MORC3: variants seen among roughly 807,000 people sequenced by gnomAD.
MORC3 encodes the protein MORC family CW-type zinc finger protein 3.
MORC3 carries 31 observed loss-of-function variants against 109.1 expected under a neutral mutation model. The observed-to-expected ratio is 0.28, with a 90% CI of 0.21 to 0.38. The LOEUF (loss-of-function observed/expected upper bound fraction) is 0.38, where lower values mean the gene tolerates loss of function less well. Ranked by LOEUF, MORC3 falls within the 10% of genes least tolerant of loss-of-function variation. The pLI, the probability that MORC3 is intolerant of heterozygous loss-of-function variation, is 1.00. For synonymous variants in MORC3, 395 were observed against 380.7 expected (o/e 1.04, Z -0.44); for missense variants, 867 against 1,135.8 (o/e 0.76, Z 3.40).
intron 10 of MORC3, among the ~76,000 whole-genome samples, chr21:36,358,002 A>G (rs1441334681): frequency 1.3e-5 from 2 of 151,586 alleles, no homozygotes; most frequent in African/African-American, 2.4e-5. Flanking sequence ...TGGCCTCCCA[A>G]AGTGCTGGGA....
chr21:36,361,604 A>G (rs2146330481), intron 12 of MORC3: 1 of 145,196 alleles, frequency 6.9e-6, no homozygotes, highest in South Asian at 2.2e-4. Flanking sequence ...AATCCCAGAC[A>G]GGCCAGGAGT....
intron 9 of MORC3, among the ~76,000 whole-genome samples, chr21:36,355,777 G>A (rs570228724): frequency 8.0e-5 from 12 of 150,120 alleles, no homozygotes; most frequent in South Asian, 2.1e-4. Flanking sequence ...GCAATACCCT[G>A]TCTCTACAAA....
At chr21:36,320,441 G>A in intron 1 of MORC3, 138 bp downstream of exon 1, 2 of 817,470 alleles carry the variant, frequency 2.4e-6, no homozygotes, top group East Asian at 3.8e-5. Flanking sequence ...GGGAGGGGGC[G>A]GCCATCTCGC....
At chr21:36,326,625 G>A (rs180725478) in intron 1 of MORC3, among the ~76,000 whole-genome samples, 10 of 152,244 alleles carry the variant, frequency 6.6e-5, no homozygotes, top group Admixed American at 1.3e-4. Flanking sequence ...TGAGGGTCTT[G>A]AGATGCATTC....
chr21:36,350,109 C>T (rs530614355), intron 9 of MORC3, among the ~76,000 whole-genome samples: 1 of 152,094 alleles, frequency 6.6e-6, no homozygotes, highest in South Asian at 2.1e-4. Flanking sequence ...AGGTTGAGAC[C>T]AGCGTGGGCA....
chr21:36,356,219 G>T (rs2085643710), intron 9 of MORC3, among the ~76,000 whole-genome samples: 3 of 152,226 alleles, frequency 2.0e-5, no homozygotes, highest in Admixed American at 2.0e-4. Context: ...CCTACAGTCT[G>T]TATATGCTTC....
intron 5 of MORC3, among the ~76,000 whole-genome samples, chr21:36,340,673 C>T (rs762859596): frequency 3.9e-5 from 4 of 102,130 alleles, no homozygotes; most frequent in Non-Finnish European, 7.6e-5. Flanking sequence ...TTTGCTCTTT[C>T]CCCCAGGGTG....
chr21:36,332,875 TCTC>T (rs1412409997), intron 1 of MORC3, among the ~76,000 whole-genome samples: 1 of 146,080 alleles, frequency 6.8e-6, no homozygotes, highest in East Asian at 2.0e-4. Flanking sequence ...GCAAGCTCCA[TCTC>T]CTAGGTTCAT....
intron 14 of MORC3, among the ~76,000 whole-genome samples, chr21:36,365,692 C>G (rs1376777318): frequency 1.3e-5 from 2 of 152,140 alleles, no homozygotes; most frequent in East Asian, 3.9e-4. Context: ...GCGATTCCCC[C>G]ACCTCAGCGT....
chr21:36,373,638 C>G (rs2085896688), intron 16 of MORC3, among the ~76,000 whole-genome samples: 2 of 151,174 alleles, frequency 1.3e-5, no homozygotes, highest in African/African-American at 4.9e-5. Context: ...AAAAAAAAAG[C>G]TGGTATGGGA....
At position 36,369,563 on chromosome 21, in the gene MORC3, T is replaced by G; in HGVS notation, c.2195T>G (p.Leu732Arg). The change falls in exon 15 of 17, where the codon CTA (leucine) becomes CGA (arginine). Residue 732 changes from leucine (L) to arginine (R), a missense_variant. Leu to Arg is a moderately radical substitution (Grantham distance 102). Around this residue, in one of 7 missense-constraint regions of MORC3, gnomAD observed 486 missense variants for 502.1 expected, o/e 0.97. Coordinates refer to ENST00000400485, the MANE Select transcript of MORC3 (RefSeq NM_015358.3). The part of the protein sequence containing the change: ...DQIKVLQQRI[L>R]EMNDKYVKKE... ...ATCAAAGTGTTACAACAGAGGATACTAGAAATGAATGACAAGTATGTTAAG... is the reference window on the plus strand; with the variant it reads ...ATCAAAGTGTTACAACAGAGGATACGAGAAATGAATGACAAGTATGTTAAG... 1 of 1,614,174 alleles carries G rather than the reference T, an allele frequency of 6.2e-7. No homozygotes were observed. Among genetic ancestry groups the G allele is most frequent in the Non-Finnish European group, 8.5e-7 (1 of 1,180,032 alleles).
At chr21:36,332,248 A>G (rs1448128832) in intron 1 of MORC3, among the ~76,000 whole-genome samples, 4 of 152,162 alleles carry the variant, frequency 2.6e-5, no homozygotes, top group African/African-American at 4.8e-5. Flanking sequence ...CAGCCTGGTC[A>G]ACATGGCGAA....
chr21:36,375,510 G>T lies in MORC3; in HGVS notation c.*214G>T. On this transcript the variant is annotated 3_prime_UTR_variant, in exon 17 of 17. Coordinates refer to ENST00000400485, the MANE Select transcript of MORC3 (RefSeq NM_015358.3). ...GAATTGTTGGCATTGAGCAGCTGAA[G>T]CTAACTCATGACTCTGTTTTGAATG... 1 of 428,164 alleles carries T rather than the reference G, an allele frequency of 2.3e-6. No homozygotes were observed. Among genetic ancestry groups the T allele is most frequent in the Non-Finnish European group, 4.2e-6 (1 of 240,732 alleles). 26.5% of individuals were successfully genotyped at this position (428,164 alleles called of 1,614,324 possible).
chr21:36,369,926 C>T (rs764134247), intron 15 of MORC3, 50 bp downstream of exon 15: 44 of 1,568,660 alleles, frequency 2.8e-5, no homozygotes, highest in Non-Finnish European at 3.7e-5. Context: ...GCCATTTAAA[C>T]CTTAAGAAGC....
chr21:36,357,594 C>A (rs2085659152), intron 10 of MORC3, among the ~76,000 whole-genome samples: 1 of 151,714 alleles, frequency 6.6e-6, no homozygotes, highest in South Asian at 2.1e-4. Context: ...ACTTTATAAG[C>A]ATAGAAAATT....
chr21:36,337,076 C>T (rs1240523041), intron 3 of MORC3, 70 bp downstream of exon 3: 4 of 1,539,144 alleles, frequency 2.6e-6, no homozygotes, highest in Non-Finnish European at 3.5e-6. Context: ...GCCATACTTA[C>T]TATTCTTGGT....
intron 1 of MORC3, among the ~76,000 whole-genome samples, chr21:36,328,786 C>CTT (rs2085278676): frequency 6.6e-6 from 1 of 151,706 alleles, no homozygotes; most frequent in African/African-American, 2.4e-5. Flanking sequence ...CTGTAATATC[C>CTT]TTTACATTGT....
intron 2 of MORC3, among the ~76,000 whole-genome samples, chr21:36,334,508 CA>C (rs2085353621): frequency 6.6e-6 from 1 of 152,054 alleles, no homozygotes; most frequent in Non-Finnish European, 1.5e-5. Flanking sequence ...CCATGTTGTC[CA>C]GGCTGGTCTC....
rs71326674 is a variant in MORC3 at position 36,327,155 on chromosome 21, C to CTTTTTTT, written c.40-6470_40-6464dup. Among the ~76,000 whole-genome samples the CTTTTTTT allele has an allele frequency of 2.2e-4, 18 of 81,942 alleles. 1 individual carries two copies. The highest frequency in any genetic ancestry group is 8.4e-4 in the African/African-American group (15 of 17,848). 53.8% of individuals were successfully genotyped at this position (81,942 alleles called of 152,430 possible). ...TTAAAGATATTAATTGGCTTTATTT[C>CTTTTTTT]TTTTTTTTTTTTTTTTTTTTTTTTT... On this transcript the variant is annotated intron_variant, in intron 1 of 16. Coordinates refer to ENST00000400485, the MANE Select transcript of MORC3 (RefSeq NM_015358.3).
Sources: gnomAD v4.1 joint callset for allele counts (sites outside exome capture counted in the v4.1 genomes callset) on GRCh38, gnomAD v4.1.1 for gene constraint, gnomAD v4.1.1 regional missense constraint, MANE v1.5 for transcripts, NCBI Gene and HGNC (gene_info 2026-07-23, HGNC 2026-07-21) for gene names.